The following DKK3 variants were observed in gnomAD, a reference collection of about 807,000 sequenced individuals.
DKK3 encodes the protein dickkopf-related protein 3.
A neutral mutation model predicts 33.2 loss-of-function variants in DKK3; 22 were observed. The ratio of observed to expected loss-of-function variants is 0.66; its 90% CI spans 0.47 to 0.95. The LOEUF is 0.95. Among genes scored for constraint, DKK3 ranks in the 40% least tolerant of loss-of-function variants. The probability of loss-of-function intolerance (pLI) is 0.00; values close to 1 mark genes in which losing one functional copy is unlikely to be tolerated. For missense variants in DKK3, 398 were observed against 458.4 expected, an observed-to-expected ratio of 0.87 and a Z score of 1.20; for synonymous variants, 194 against 188.8, an observed-to-expected ratio of 1.03 and a Z score of -0.23.
rs1471538515 is a variant in DKK3 at position 11,964,296 on chromosome 11, C to A, written c.*168G>T. ...CCAGACTGTGAAGCCTGGAGAACAG[C>A]CTGGGGGAGCTGAACAAATGCACAA... On this transcript the variant is annotated 3_prime_UTR_variant, in exon 7 of 7. Transcript: ENST00000683431. 18 of 871,876 alleles carry A rather than the reference C, an allele frequency of 2.1e-5. No homozygotes were observed. The highest frequency in any genetic ancestry group is 3.6e-4 in the Middle Eastern group (1 of 2,768). The allele number at this position is 871,876 out of a possible 1,614,324, so 54.0% of individuals were successfully genotyped here.
At chr11:11,983,832 C>T (rs536519282) in intron 3 of DKK3, among the ~76,000 whole-genome samples, 17 of 152,232 alleles carry the variant, frequency 1.1e-4, no homozygotes, top group Non-Finnish European at 2.4e-4. Context: ...CGACCCAATG[C>T]CTATACAACA....
intron 6 of DKK3, among the ~76,000 whole-genome samples, chr11:11,965,545 T>C (rs1168589016): frequency 6.6e-6 from 1 of 152,074 alleles, no homozygotes; most frequent in Non-Finnish European, 1.5e-5. Flanking sequence ...CTCCATGTCC[T>C]CTCCATGGAC....
intron 2 of DKK3, among the ~76,000 whole-genome samples, chr11:12,001,515 G>A (rs1201441390): frequency 6.6e-6 from 1 of 152,164 alleles, no homozygotes; most frequent in East Asian, 1.9e-4. Flanking sequence ...GAGCTGAGGG[G>A]GCAGGCTCCT....
Position 12,008,619 on chromosome 11 carries a change from C to A in DKK3, c.-37G>T. On this transcript the variant is annotated 5_prime_UTR_variant, in exon 1 of 7. Transcript: ENST00000683431. The surrounding 1 kb of genome is among the most constrained non-coding windows in gnomAD (Gnocchi z 4.6). ...GCCCGCAGCCGCCGCCTGTGTGTCC[C>A]GGAACGCGATCAGAGGCGCGCGGAC... 1 of 1,356,714 alleles carries A rather than the reference C, an allele frequency of 7.4e-7. No individual in the cohort carries two copies. The highest frequency in any genetic ancestry group is 9.4e-7 in the Non-Finnish European group (1 of 1,064,036). The allele number at this position is 1,356,714 out of a possible 1,614,324, so 84.0% of individuals were successfully genotyped here.
At chr11:11,969,548 G>A (rs775771413) in intron 3 of DKK3, among the ~76,000 whole-genome samples, 2 of 152,160 alleles carry the variant, frequency 1.3e-5, no homozygotes, top group Non-Finnish European at 2.9e-5. Context: ...GGGGTTCAGG[G>A]CTCCACATGT....
chr11:11,992,734 G>A (rs1490186927), intron 3 of DKK3, among the ~76,000 whole-genome samples: 1 of 152,062 alleles, frequency 6.6e-6, no homozygotes, highest in Non-Finnish European at 1.5e-5. Flanking sequence ...CATCCCCCTT[G>A]TTTATATTTC....
intron 3 of DKK3, among the ~76,000 whole-genome samples, chr11:11,976,997 G>A (rs970135881): frequency 3.9e-5 from 6 of 152,128 alleles, no homozygotes; most frequent in African/African-American, 4.8e-5. Context: ...AGCCTGACCC[G>A]CTGCAGAGAC....
In DKK3 at chr11:11,995,698, G is replaced by C. The variant is rs192736431; in HGVS notation, c.435+2998C>G. Among the ~76,000 whole-genome samples the C allele has an allele frequency of 1.6e-3, 247 of 152,306 alleles. 1 individual carries two copies. Among genetic ancestry groups the C allele is most frequent in the African/African-American group, 5.8e-3 (241 of 41,568 alleles). ...GCCCATGCTCTAGCTTCTACATGCT[G>C]CTTTCCTCCTCACCCCCAGCACAAA... On this transcript the variant is annotated intron_variant, in intron 3 of 6. Transcript: ENST00000683431.
intron 2 of DKK3, chr11:12,001,655 G>A (rs1848431123): frequency 6.6e-6 from 1 of 152,294 alleles, no homozygotes. Context: ...CTAGTGCTAT[G>A]TTCCTTGAGA....
intron 3 of DKK3, among the ~76,000 whole-genome samples, chr11:11,975,378 G>A (rs1265028474): frequency 2.0e-5 from 3 of 152,222 alleles, no homozygotes; most frequent in Admixed American, 2.0e-4. Flanking sequence ...GCCAGGCTCT[G>A]GCACTCCAGC....
chr11:12,009,381 G>T (rs1848612729), upstream of DKK3: 11 of 891,972 alleles, frequency 1.2e-5, no homozygotes, highest in Non-Finnish European at 1.4e-5. Context: ...CCCGCCCCGA[G>T]CCCCGCCCGC....
At chr11:11,996,168 G>A (rs183950685) in intron 3 of DKK3, among the ~76,000 whole-genome samples, 2 of 152,274 alleles carry the variant, frequency 1.3e-5, no homozygotes, top group East Asian at 3.9e-4. Context: ...TCTTCCCTCT[G>A]AGAGAAAGTT....
chr11:12,008,590 C>T lies in DKK3; in HGVS notation c.-8G>A. 7.1e-7 allele frequency: 1 copy of T among 1,400,744 alleles called. No individual in the cohort carries two copies. The allele number at this position is 1,400,744 out of a possible 1,614,324, so 86.8% of individuals were successfully genotyped here. On this transcript the variant is annotated 5_prime_UTR_variant, in exon 1 of 7. Coordinates refer to ENST00000683431, the MANE Select transcript of DKK3 (RefSeq NM_001018057.2). The surrounding 1 kb of genome is among the most constrained non-coding windows in gnomAD (Gnocchi z 4.6). ...GGCCCCAAGCCGCTGCATCTCCGCTCTGCGCCCGCAGCCGCCGCCTGTGTG... is the reference window on the plus strand; with the variant it reads ...GGCCCCAAGCCGCTGCATCTCCGCTTTGCGCCCGCAGCCGCCGCCTGTGTG...
At position 11,998,648 on chromosome 11, in the gene DKK3, T is replaced by C. The variant is rs765162111; in HGVS notation, c.435+48A>G. The C allele has an allele frequency of 1.9e-6, 3 of 1,544,560 alleles. No homozygotes were observed. In the East Asian group the frequency reaches 6.7e-5, roughly 35 times the overall value. On this transcript the variant is annotated intron_variant, in intron 3 of 6. Coordinates refer to ENST00000683431, the MANE Select transcript of DKK3 (RefSeq NM_001018057.2). ...TCACCGTTGGCAAACTGAATGAAAA[T>C]GAAAGTGAGTGTGTCGGGGTGCAAG...
In DKK3 at chr11:11,964,095, C is replaced by A. The variant is rs999130857; in HGVS notation, c.*369G>T. On this transcript the variant is annotated 3_prime_UTR_variant, in exon 7 of 7. Coordinates refer to ENST00000683431, the MANE Select transcript of DKK3 (RefSeq NM_001018057.2). ...AGCAGGGCACTCTTCTCCACATTTCCCCAAAACCAATCAGAGGGAGACTCC... is the reference window on the plus strand; with the variant it reads ...AGCAGGGCACTCTTCTCCACATTTCACCAAAACCAATCAGAGGGAGACTCC... The A allele has an allele frequency of 1.0e-4, 23 of 228,870 alleles. No homozygotes were observed. The highest frequency in any genetic ancestry group is 5.0e-4 in the African/African-American group (22 of 44,422). The allele number at this position is 228,870 out of a possible 1,614,324, so 14.2% of individuals were successfully genotyped here. A position where few individuals can be genotyped will look rare whatever the true frequency, so the allele number is the denominator to read the frequency against.
chr11:11,980,990 G>A (rs1847943154), intron 3 of DKK3, among the ~76,000 whole-genome samples: 1 of 152,172 alleles, frequency 6.6e-6, no homozygotes, highest in South Asian at 2.1e-4. Flanking sequence ...TCCACCCAGA[G>A]CACTCACAGC....
chr11:11,977,328 TCC>T (rs1847855103), intron 3 of DKK3, among the ~76,000 whole-genome samples: 1 of 151,130 alleles, frequency 6.6e-6, no homozygotes, highest in South Asian at 2.1e-4. Context: ...CCTCCAGAGC[TCC>T]TCTGGGAGCC....
At chr11:11,999,053 C>T (rs576575741) in intron 2 of DKK3, among the ~76,000 whole-genome samples, 1 of 152,078 alleles carries the variant, frequency 6.6e-6, no homozygotes, top group Admixed American at 6.5e-5. Flanking sequence ...CGCACAGTGC[C>T]CAACACCCAG....
upstream of DKK3, chr11:12,009,675 C>G (rs1364322094): frequency 1.0e-6 from 1 of 985,488 alleles, no homozygotes; most frequent in African/African-American, 1.7e-5. Context: ...CTGTGAAATC[C>G]TCAGGAAAAA....
Sources: gnomAD v4.1 joint callset for allele counts (sites outside exome capture counted in the v4.1 genomes callset) on GRCh38, gnomAD v4.1.1 for gene constraint, Gnocchi (gnomAD v3.1) non-coding constraint, MANE v1.5 for transcripts, NCBI Gene and HGNC (gene_info 2026-07-23, HGNC 2026-07-21) for gene names.